KCNH7: variants seen among roughly 807,000 people sequenced by gnomAD.
The protein encoded by KCNH7 is potassium voltage-gated channel subfamily H member 7, also known as voltage-gated inwardly rectifying potassium channel KCNH7.
In KCNH7, 49 loss-of-function variants were observed where a neutral mutation model predicts 120.8. That is an observed-to-expected ratio of 0.41 (90% confidence interval 0.32 to 0.51). KCNH7 has a LOEUF of 0.51. Ranked by LOEUF, KCNH7 falls within the 20% of genes least tolerant of loss-of-function variation. The probability of loss-of-function intolerance (pLI) is 0.38; values close to 1 mark genes in which losing one functional copy is unlikely to be tolerated. For missense variants in KCNH7, 1,097 were observed against 1,446.6 expected (o/e 0.76, Z 3.92); for synonymous variants, 547 against 516.1 (o/e 1.06, Z -0.81).
chr2:162,375,928 CTT>C (rs1491577814), intron 14 of KCNH7, among the ~76,000 whole-genome samples: 1 of 150,842 alleles, frequency 6.6e-6, no homozygotes, highest in Admixed American at 6.6e-5. Flanking sequence ...AAAGAGGACT[CTT>C]ATACTGAGAC....
chr2:162,441,999 CT>C (rs779418084), intron 7 of KCNH7, among the ~76,000 whole-genome samples: 129 of 41,504 alleles, frequency 3.1e-3, no homozygotes, highest in East Asian at 7.8e-3. Flanking sequence ...GTTAGGTCTT[CT>C]TTTTTTTTTT....
chr2:162,688,453 A>G (rs1283809564), intron 2 of KCNH7, among the ~76,000 whole-genome samples: 2 of 152,170 alleles, frequency 1.3e-5, no homozygotes, highest in Non-Finnish European at 2.9e-5. Flanking sequence ...CAGAGATTCC[A>G]TAGCCTCAAC....
intron 2 of KCNH7, among the ~76,000 whole-genome samples, chr2:162,764,818 T>C (rs1052772763): frequency 2.6e-5 from 4 of 152,184 alleles, no homozygotes; most frequent in Admixed American, 6.5e-5. Flanking sequence ...TTTAGTATGT[T>C]ATGAAGCATC....
intron 2 of KCNH7, among the ~76,000 whole-genome samples, chr2:162,627,773 T>C (rs2105210037): frequency 6.6e-6 from 1 of 152,294 alleles, no homozygotes; most frequent in East Asian, 1.9e-4. Flanking sequence ...ATTGAATGAT[T>C]GACATAGTCA....
At chr2:162,712,876 A>C (rs988749984) in intron 2 of KCNH7, among the ~76,000 whole-genome samples, 1 of 152,214 alleles carries the variant, frequency 6.6e-6, no homozygotes, top group Non-Finnish European at 1.5e-5. Context: ...TAAAGGGAAA[A>C]AGTGTTTACA....
At chr2:162,506,306 C>A (rs1358038707) in intron 5 of KCNH7, among the ~76,000 whole-genome samples, 2 of 151,802 alleles carry the variant, frequency 1.3e-5, no homozygotes, top group Admixed American at 1.3e-4. Context: ...AAACTCCGTT[C>A]TTCAGGTCTT....
chr2:162,444,538 C>T (rs1436992344), intron 7 of KCNH7, among the ~76,000 whole-genome samples: 1 of 152,104 alleles, frequency 6.6e-6, no homozygotes, highest in Non-Finnish European at 1.5e-5. Flanking sequence ...GTAACACTTA[C>T]ATTATGTCCA....
chr2:162,585,565 TTTAAA>T (rs1161254104), intron 2 of KCNH7, among the ~76,000 whole-genome samples: 3 of 152,162 alleles, frequency 2.0e-5, no homozygotes, highest in South Asian at 4.1e-4. Context: ...GGAAATAAAA[TTTAAA>T]TTAATCTTCT....
intron 2 of KCNH7, among the ~76,000 whole-genome samples, chr2:162,542,239 G>A (rs148772948): frequency 0.016 from 2,376 of 146,718 alleles, 60 homozygotes; most frequent in East Asian, 0.097. Flanking sequence ...TTTCTTTGAT[G>A]AGCTTCTTTT....
intron 2 of KCNH7, among the ~76,000 whole-genome samples, chr2:162,538,885 A>G (rs1443008289): frequency 6.6e-6 from 1 of 152,112 alleles, no homozygotes; most frequent in African/African-American, 2.4e-5. Flanking sequence ...GCTCCTTATA[A>G]TTCAGATGTG....
chr2:162,388,566 AC>A (rs1163989041), intron 12 of KCNH7, among the ~76,000 whole-genome samples: 26 of 152,042 alleles, frequency 1.7e-4, no homozygotes, highest in African/African-American at 6.0e-4. Flanking sequence ...AAAATGGATA[AC>A]AAAAAGCTAA....
chr2:162,439,487 A>C (rs1049657420), intron 7 of KCNH7, among the ~76,000 whole-genome samples: 1 of 152,104 alleles, frequency 6.6e-6, no homozygotes, highest in Non-Finnish European at 1.5e-5. Flanking sequence ...ACAAGTCAAG[A>C]CTTCACCCAC....
At chr2:162,414,457 A>G (rs1479364171) in intron 9 of KCNH7, among the ~76,000 whole-genome samples, 2 of 151,484 alleles carry the variant, frequency 1.3e-5, no homozygotes, top group African/African-American at 4.8e-5. Flanking sequence ...ATATAGTTAT[A>G]GTATATAAAA....
chr2:162,565,325 AC>A (rs1559017770), intron 2 of KCNH7, among the ~76,000 whole-genome samples: 1 of 152,068 alleles, frequency 6.6e-6, no homozygotes, highest in African/African-American at 2.4e-5. Context: ...AGGAAAAAAA[AC>A]GTAACTAGTC....
chr2:162,392,284 G>A (rs1047357086), intron 12 of KCNH7, among the ~76,000 whole-genome samples: 1 of 151,846 alleles, frequency 6.6e-6, no homozygotes, highest in Non-Finnish European at 1.5e-5. Context: ...GTGTGTGTGT[G>A]TGTGTGCGCA....
chr2:162,741,211 T>C (rs1487921695), intron 2 of KCNH7, among the ~76,000 whole-genome samples: 1 of 119,550 alleles, frequency 8.4e-6, no homozygotes, highest in African/African-American at 5.3e-5. Context: ...TACATATTAA[T>C]AACATGTTAT....
At chr2:162,631,147 A>G (rs952279589) in intron 2 of KCNH7, among the ~76,000 whole-genome samples, 6 of 152,140 alleles carry the variant, frequency 3.9e-5, no homozygotes, top group Non-Finnish European at 4.4e-5. Flanking sequence ...TTTATCTGCA[A>G]TAACTGCATT....
In KCNH7 at chr2:162,494,710, C is replaced by A. The variant is rs563170586; in HGVS notation, c.1128+9733G>T. Among the ~76,000 whole-genome samples the A allele has an allele frequency of 1.2e-4, 18 of 152,180 alleles. No homozygotes were observed. In the South Asian group the frequency reaches 3.5e-3, roughly 30 times the overall value. On this transcript the variant is annotated intron_variant, in intron 6 of 15. Coordinates refer to ENST00000332142, the MANE Select transcript of KCNH7 (RefSeq NM_033272.4). ...AGACAATTGTTGTCTTGCTTTGATCCTTTCCAAAAAATGGTTTATAATCAG... is the reference window on the plus strand; with the variant it reads ...AGACAATTGTTGTCTTGCTTTGATCATTTCCAAAAAATGGTTTATAATCAG...
intron 2 of KCNH7, chr2:162,785,294 G>C (rs1683655709): frequency 6.6e-6 from 1 of 152,166 alleles, no homozygotes; most frequent in Non-Finnish European, 1.5e-5. Flanking sequence ...CTTTTTGACT[G>C]ATATGAATCA....
Sources: gnomAD v4.1 joint callset for allele counts (sites outside exome capture counted in the v4.1 genomes callset) on GRCh38, gnomAD v4.1.1 for gene constraint, MANE v1.5 for transcripts, NCBI Gene and HGNC (gene_info 2026-07-23, HGNC 2026-07-21) for gene names.